The following FMN1 variants were observed in gnomAD, a reference collection of about 807,000 sequenced individuals.
The protein encoded by FMN1 is formin-1.
In FMN1, 110 loss-of-function variants were observed where a neutral mutation model predicts 132.4. The ratio of observed to expected loss-of-function variants is 0.83; its 90% CI spans 0.71 to 0.97. The LOEUF (loss-of-function observed/expected upper bound fraction) is 0.97. FMN1 is among the 50% of genes least tolerant of loss of function. The pLI is 0.00. For synonymous variants in FMN1, 722 were observed against 651.7 expected (o/e 1.11, Z -1.64); for missense variants, 1,792 against 1,705.3 (o/e 1.05, Z -0.90).
chr15:33,133,222 G>A (rs1410836825), intron 4 of FMN1, among the ~76,000 whole-genome samples: 1 of 152,188 alleles, frequency 6.6e-6, no homozygotes, highest in African/African-American at 2.4e-5. Flanking sequence ...CCAAGGCACA[G>A]CCATCAACAA....
At chr15:33,103,779 C>T (rs148186813) in intron 4 of FMN1, among the ~76,000 whole-genome samples, 16 of 152,222 alleles carry the variant, frequency 1.1e-4, no homozygotes, top group African/African-American at 1.2e-4. Flanking sequence ...TATTCTATTA[C>T]ACCTTGAATT....
chr15:32,786,720 A>T (rs576060734), intron 19 of FMN1, among the ~76,000 whole-genome samples: 2 of 152,312 alleles, frequency 1.3e-5, no homozygotes, highest in African/African-American at 4.8e-5. Context: ...TCTTTTTCTC[A>T]TTAGGCTTAC....
At chr15:33,043,891 G>T (rs929883274) in intron 6 of FMN1, among the ~76,000 whole-genome samples, 2 of 152,208 alleles carry the variant, frequency 1.3e-5, no homozygotes, top group Non-Finnish European at 2.9e-5. Flanking sequence ...CCGCCCTCCT[G>T]GGTGCAGCTG....
rs2123068 is a variant in FMN1 at position 32,798,683 on chromosome 15, T to G, written c.4130+121A>C. 224,329 of 933,616 alleles carry G rather than the reference T, an allele frequency of 0.24. 30,152 individuals are homozygous for G. Among genetic ancestry groups the G allele is most frequent in the Admixed American group, 0.29 (9,234 of 32,336 alleles). 57.8% of individuals were successfully genotyped at this position (933,616 alleles called of 1,614,324 possible). A position where few individuals can be genotyped will look rare whatever the true frequency, so the allele number is the denominator to read the frequency against. ...TCCCTGAGGCAAAAAGTCCTTCCCC[T>G]ATGACCACTTCATCCGAAAGAAAAC... On this transcript the variant is annotated intron_variant, in intron 19 of 20. Transcript: ENST00000616417.
At chr15:33,165,228 T>C (rs1292981384) in intron 3 of FMN1, among the ~76,000 whole-genome samples, 1 of 152,208 alleles carries the variant, frequency 6.6e-6, no homozygotes, top group Admixed American at 6.5e-5. Flanking sequence ...ATCGGGAGTA[T>C]CTTTTTTAGA....
At chr15:33,062,388 G>C (rs1004573066) in intron 6 of FMN1, among the ~76,000 whole-genome samples, 5 of 152,106 alleles carry the variant, frequency 3.3e-5, no homozygotes, top group East Asian at 1.9e-4. Context: ...TTGGGAGGTC[G>C]AGGCGGGGGG....
intron 5 of FMN1, among the ~76,000 whole-genome samples, chr15:33,084,687 T>C (rs928648167): frequency 4.6e-5 from 7 of 152,164 alleles, no homozygotes; most frequent in African/African-American, 1.7e-4. Context: ...AGAGTCTTCC[T>C]AGTGCTTGTC....
intron 3 of FMN1, among the ~76,000 whole-genome samples, chr15:33,155,318 G>A (rs1234233998): frequency 6.6e-6 from 1 of 152,134 alleles, no homozygotes; most frequent in Non-Finnish European, 1.5e-5. Context: ...TCACTGTGCA[G>A]CCTGGATCAG....
intron 3 of FMN1, among the ~76,000 whole-genome samples, chr15:33,165,033 TTCTA>T (rs1341150010): frequency 4.6e-5 from 7 of 152,224 alleles, no homozygotes; most frequent in Admixed American, 3.9e-4. Flanking sequence ...TTCTTATGAA[TTCTA>T]TCTAACTATG....
At chr15:32,968,582 T>A (rs995154058) in intron 8 of FMN1, 132 bp downstream of exon 8, 24 of 1,347,852 alleles carry the variant, frequency 1.8e-5, no homozygotes, top group Non-Finnish European at 2.0e-6. Flanking sequence ...ACATTGTTTA[T>A]CCAAGCATTC....
At chr15:32,873,194 A>G (rs2141384721) in intron 16 of FMN1, among the ~76,000 whole-genome samples, 1 of 152,346 alleles carries the variant, frequency 6.6e-6, no homozygotes, top group East Asian at 1.9e-4. Context: ...TTAAAACTCC[A>G]CAGACACTTG....
chr15:32,897,525 G>C (rs776916311), intron 15 of FMN1, among the ~76,000 whole-genome samples: 7 of 152,202 alleles, frequency 4.6e-5, no homozygotes, highest in Non-Finnish European at 7.3e-5. Context: ...AAACACATTA[G>C]TAAGAAAGCA....
intron 7 of FMN1, among the ~76,000 whole-genome samples, chr15:33,003,978 A>G (rs1199028266): frequency 6.6e-6 from 1 of 151,938 alleles, no homozygotes; most frequent in African/African-American, 2.4e-5. Flanking sequence ...TGCTGGGAAA[A>G]CTGGCTAGCC....
At chr15:33,038,227 C>T (rs1319561220) in intron 6 of FMN1, among the ~76,000 whole-genome samples, 2 of 152,182 alleles carry the variant, frequency 1.3e-5, no homozygotes, top group South Asian at 2.1e-4. Flanking sequence ...GACTCCGCCT[C>T]AAACAGTAAA....
chr15:32,858,658 G>T (rs1023395382), intron 16 of FMN1, among the ~76,000 whole-genome samples: 2 of 152,136 alleles, frequency 1.3e-5, no homozygotes, highest in Admixed American at 1.3e-4. Context: ...CCGTTGGGAG[G>T]CAAAGACTAA....
chr15:33,150,171 C>G (rs1464745426), intron 4 of FMN1: 1 of 985,270 alleles, frequency 1.0e-6, no homozygotes, highest in Non-Finnish European at 1.2e-6. Context: ...TCTTCTGGCA[C>G]TAAAAGGGTT....
intron 2 of FMN1, among the ~76,000 whole-genome samples, chr15:33,187,909 T>C (rs995905095): frequency 2.6e-5 from 4 of 152,246 alleles, no homozygotes; most frequent in Admixed American, 6.5e-5. Flanking sequence ...AAGGCTTGAA[T>C]GAAAATGACA....
chr15:33,020,360 C>CT (rs1566834707), intron 6 of FMN1, among the ~76,000 whole-genome samples: 1 of 141,502 alleles, frequency 7.1e-6, no homozygotes, highest in Non-Finnish European at 1.5e-5. Context: ...CACTATAAGA[C>CT]TATGTGGCCA....
chr15:32,896,111 C>T (rs1271050004), intron 15 of FMN1, among the ~76,000 whole-genome samples: 1 of 151,970 alleles, frequency 6.6e-6, no homozygotes, highest in Admixed American at 6.5e-5. Flanking sequence ...CTTCCTCTTA[C>T]CAATTACTTG....
Sources: gnomAD v4.1 joint callset for allele counts (sites outside exome capture counted in the v4.1 genomes callset) on GRCh38, gnomAD v4.1.1 for gene constraint, MANE v1.5 for transcripts, NCBI Gene and HGNC (gene_info 2026-07-23, HGNC 2026-07-21) for gene names.